The following PDXDC1 variants were observed in gnomAD, a reference collection of about 807,000 sequenced individuals.
PDXDC1 encodes the protein pyridoxal-dependent decarboxylase domain-containing protein 1.
A neutral mutation model predicts 100.1 loss-of-function variants in PDXDC1; 42 were observed. The ratio of observed to expected loss-of-function variants is 0.42; its 90% confidence interval spans 0.33 to 0.54. The LOEUF is 0.54. PDXDC1 is among the 20% of genes least tolerant of loss of function. The pLI, the probability that PDXDC1 is intolerant of heterozygous loss-of-function variation, is 0.10. For synonymous variants in PDXDC1, 260 were observed against 371.7 expected, an observed-to-expected ratio of 0.70 and a Z score of 3.46; for missense variants, 636 against 979.2, an observed-to-expected ratio of 0.65 and a Z score of 4.68.
intron 1 of PDXDC1, among the ~76,000 whole-genome samples, chr16:14,985,254 A>G (rs1299213796): frequency 6.8e-6 from 1 of 147,582 alleles, no homozygotes; most frequent in Non-Finnish European, 1.5e-5. Context: ...TATTGTAGTT[A>G]CCAGTTTTGG....
rs754804216 is a variant in PDXDC1, at chr16:15,085,729, T to C, written c.1400-53150T>C. On this transcript the variant is annotated intron_variant, in intron 16 of 16. Coordinates refer to the PDXDC1 transcript ENST00000535621. ...GAGGGAAAAAGAAAATATGTTATTCTGTCATTGATCTAGACAATGAATGGC... is the reference window on the plus strand; with the variant it reads ...GAGGGAAAAAGAAAATATGTTATTCCGTCATTGATCTAGACAATGAATGGC... The C allele has an allele frequency of 3.1e-6, 5 of 1,612,012 alleles. No homozygotes were observed. In the Admixed American group the frequency reaches 6.7e-5, roughly 22 times the overall value.
intron 3 of PDXDC1, among the ~76,000 whole-genome samples, chr16:14,999,052 T>G (rs1329420022): frequency 1.3e-5 from 2 of 152,270 alleles, no homozygotes; most frequent in Non-Finnish European, 1.5e-5. Context: ...ACCACTGCAC[T>G]CCAGCCTGAG....
At chr16:15,141,600 G>A (rs868196749), downstream of PDXDC1, among the ~76,000 whole-genome samples, 5 of 152,170 alleles carry the variant, frequency 3.3e-5, no homozygotes, top group Non-Finnish European at 5.9e-5. Flanking sequence ...CGGCCCCTCC[G>A]GCAGGGCCAC....
At chr16:15,001,646 TTTCTC>T in intron 3 of PDXDC1, 125 bp from the exon 4 acceptor site, 1 of 650,694 alleles carries the variant, frequency 1.5e-6, no homozygotes, top group Non-Finnish European at 2.6e-6. Flanking sequence ...TACCACGTTC[TTTCTC>T]TTATAGTTGC....
intron 16 of PDXDC1, chr16:15,131,126 C>A (rs748042197): frequency 6.2e-7 from 1 of 1,605,438 alleles, no homozygotes; most frequent in East Asian, 2.2e-5. Flanking sequence ...TGCAGCACGG[C>A]CGCAGGGTTG....
At chr16:15,067,758 T>C (rs1353941770) in intron 16 of PDXDC1, among the ~76,000 whole-genome samples, 1 of 151,864 alleles carries the variant, frequency 6.6e-6, no homozygotes, top group Admixed American at 6.6e-5. Context: ...AAGGACTGGG[T>C]TGTTTTTGTT....
chr16:15,054,629 G>C (rs956360238), intron 16 of PDXDC1, among the ~76,000 whole-genome samples: 2 of 152,146 alleles, frequency 1.3e-5, no homozygotes, highest in African/African-American at 4.8e-5. Context: ...GAATCACACA[G>C]AGCTGTCTGC....
chr16:15,069,964 T>C, intron 16 of PDXDC1: 2 of 1,454,664 alleles, frequency 1.4e-6, no homozygotes, highest in Non-Finnish European at 1.9e-6. Flanking sequence ...ACATGCAGTT[T>C]TCTGAATCCA....
chr16:15,011,909 C>CT (rs1325160024), intron 8 of PDXDC1, among the ~76,000 whole-genome samples: 1 of 152,290 alleles, frequency 6.6e-6, no homozygotes. Flanking sequence ...GGTGGTCCAC[C>CT]TGCCTTGGCC....
chr16:15,020,130 A>C (rs2151524269), intron 12 of PDXDC1, among the ~76,000 whole-genome samples: 1 of 152,246 alleles, frequency 6.6e-6, no homozygotes, highest in Non-Finnish European at 1.5e-5. Flanking sequence ...AAAAAAAAAA[A>C]AAAAAAAAAG....
chr16:15,041,798 C>A (rs1450387275), downstream of PDXDC1: 2 of 737,000 alleles, frequency 2.7e-6, no homozygotes, highest in Non-Finnish European at 4.9e-6. Flanking sequence ...CCCTACAGCC[C>A]GCGCCCACAC....
At chr16:15,146,674 C>T in the PDXDC1 span, among the ~76,000 whole-genome samples, 9 of 152,166 alleles carry the variant, frequency 5.9e-5, no homozygotes, top group South Asian at 2.1e-4. Flanking sequence ...GTCCAGTGTC[C>T]GGTCTAAGCA....
At chr16:15,052,220 G>T (rs1457946548) in intron 16 of PDXDC1, among the ~76,000 whole-genome samples, 1 of 152,114 alleles carries the variant, frequency 6.6e-6, no homozygotes, top group Non-Finnish European at 1.5e-5. Flanking sequence ...ATACAGATGT[G>T]GCTGTGTTCC....
chr16:15,103,207 G>C, intron 16 of PDXDC1: 1 of 586,274 alleles, frequency 1.7e-6, no homozygotes, highest in Non-Finnish European at 3.0e-6. Context: ...GGCCAGGAGA[G>C]AGCTTCACCC....
In PDXDC1 at chr16:15,076,384, C is replaced by A. The variant is rs1451843215; in HGVS notation, c.1399+46328C>A. On this transcript the variant is annotated intron_variant, in intron 16 of 16. Transcript: ENST00000535621. ...ATTCAAAGCCTTGGAAATAGACCAACTATGCTAAGTGCTAAATGACATGGC... is the reference window on the plus strand; with the variant it reads ...ATTCAAAGCCTTGGAAATAGACCAAATATGCTAAGTGCTAAATGACATGGC... 4.8e-6 allele frequency: 3 copies of A among 627,390 alleles called. No individual in the cohort carries two copies. In the East Asian group the frequency reaches 8.2e-5, roughly 17 times the overall value. 38.9% of individuals were successfully genotyped at this position (627,390 alleles called of 1,614,324 possible).
At chr16:15,093,477 G>A (rs1317469446) in intron 16 of PDXDC1, among the ~76,000 whole-genome samples, 1 of 152,160 alleles carries the variant, frequency 6.6e-6, no homozygotes, top group African/African-American at 2.4e-5. Flanking sequence ...TATGCTGTAA[G>A]CTCTGTAGAA....
At chr16:15,087,878 G>A (rs1405549822) in intron 16 of PDXDC1, among the ~76,000 whole-genome samples, 1 of 152,184 alleles carries the variant, frequency 6.6e-6, no homozygotes, top group Non-Finnish European at 1.5e-5. Context: ...ACTTTGGGAG[G>A]CCGAGGTGGG....
At chr16:15,137,554 C>A (rs2048387011) in intron 16 of PDXDC1, 1 of 1,190,804 alleles carries the variant, frequency 8.4e-7, no homozygotes, top group Non-Finnish European at 1.2e-6. Flanking sequence ...GAAGAGGCAG[C>A]CACTGGACCC....
intron 16 of PDXDC1, among the ~76,000 whole-genome samples, chr16:15,111,865 G>A (rs1394553744): frequency 6.7e-6 from 1 of 149,378 alleles, no homozygotes; most frequent in Non-Finnish European, 1.5e-5. Context: ...TTTACCACAG[G>A]TTAACATGTT....
Sources: allele counts gnomAD v4.1 joint callset (sites outside exome capture counted in the v4.1 genomes callset), GRCh38; gene constraint gnomAD v4.1.1; transcripts MANE v1.5; gene names NCBI Gene and HGNC (gene_info 2026-07-23, HGNC 2026-07-21).